PIEZO2: variants seen among roughly 807,000 people sequenced by gnomAD.
PIEZO2 encodes the protein piezo type mechanosensitive ion channel component 2, also known as piezo-type mechanosensitive ion channel component 2.
PIEZO2 carries 172 observed loss-of-function variants against 337.3 expected under a neutral mutation model. That is an observed-to-expected ratio of 0.51 (90% CI 0.45 to 0.58). PIEZO2 has a LOEUF of 0.58. PIEZO2 is among the 20% of genes least tolerant of loss of function. The probability of loss-of-function intolerance (pLI) is 0.00; values close to 1 mark genes in which losing one functional copy is unlikely to be tolerated. For synonymous variants in PIEZO2, 1,251 were observed against 1,228.5 expected (o/e 1.02, Z -0.38); for missense variants, 3,028 against 3,391.3 (o/e 0.89, Z 2.66).
intron 49 of PIEZO2, among the ~76,000 whole-genome samples, chr18:10,688,816 G>T (rs2034667621): frequency 6.6e-6 from 1 of 151,998 alleles, no homozygotes; most frequent in Non-Finnish European, 1.5e-5. Context: ...TACCCTCAAT[G>T]TTCCTTCGAT....
chr18:10,875,285 A>G (rs1367494142), intron 4 of PIEZO2, among the ~76,000 whole-genome samples: 1 of 152,216 alleles, frequency 6.6e-6, no homozygotes, highest in East Asian at 1.9e-4. Flanking sequence ...CTACATTTAT[A>G]TTATAGTAAT....
chr18:10,841,119 A>C (rs2041178204), intron 7 of PIEZO2, among the ~76,000 whole-genome samples: 1 of 152,188 alleles, frequency 6.6e-6, no homozygotes, highest in African/African-American at 2.4e-5. Flanking sequence ...GAGTGACAGG[A>C]ATTAGATTTG....
chr18:10,905,271 T>G (rs1451071038), intron 4 of PIEZO2, among the ~76,000 whole-genome samples: 1 of 152,086 alleles, frequency 6.6e-6, no homozygotes, highest in Non-Finnish European at 1.5e-5. Context: ...CTCCATGCCA[T>G]GTACTGCGGG....
chr18:10,882,842 C>CTTT lies in PIEZO2; in HGVS notation c.330-11430_330-11428dup, dbSNP rs35740624. 1.6e-4 allele frequency among the ~76,000 whole-genome samples: 20 copies of CTTT among 128,194 alleles called. 2 individuals are homozygous for CTTT. Among genetic ancestry groups the CTTT allele is most frequent in the East Asian group, 4.7e-4 (2 of 4,212 alleles). The allele number at this position is 128,194 out of a possible 152,430, so 84.1% of individuals were successfully genotyped here. On this transcript the variant is annotated intron_variant, in intron 4 of 55. Transcript: ENST00000674853. ...CATATGTACCACATTTTCTTTTTTT[C>CTTT]TTTTTTTTTTTTTTTGAGATGGAGT...
At position 10,940,963 on chromosome 18, in the gene PIEZO2, A is replaced by G. The variant is rs576632256; in HGVS notation, c.287-29735T>C. ...TATGGCTCTGCATTTCTTCTAAATA[A>G]CAAGGATTTTTGGTATTTACTAAAA... On this transcript the variant is annotated intron_variant, in intron 3 of 55. Transcript: ENST00000674853. The surrounding 1 kb of genome is among the most constrained non-coding windows in gnomAD (Gnocchi z 5.3). Among the ~76,000 whole-genome samples the G allele has an allele frequency of 6.6e-6, 1 of 152,316 alleles. No individual in the cohort carries two copies. The highest frequency in any genetic ancestry group is 2.4e-5 in the African/African-American group (1 of 41,568).
chr18:10,813,819 G>A lies in PIEZO2; in HGVS notation c.918-6545C>T, dbSNP rs563236271. On this transcript the variant is annotated intron_variant, in intron 7 of 55. Transcript: ENST00000674853. The surrounding 1 kb of genome is among the most constrained non-coding windows in gnomAD (Gnocchi z 4.2). ...AGAGAAACTGCTCCGGTTGTTTGAG[G>A]AACTGGTATACTGTTTTCCATCAGT... 8.4e-4 allele frequency among the ~76,000 whole-genome samples: 128 copies of A among 152,088 alleles called. 1 individual carries two copies. Among genetic ancestry groups the A allele is most frequent in the Non-Finnish European group, 1.5e-3 (102 of 68,018 alleles).
At chr18:11,122,995 C>A (rs971865943) in intron 1 of PIEZO2, among the ~76,000 whole-genome samples, 5 of 92,632 alleles carry the variant, frequency 5.4e-5, no homozygotes, top group Non-Finnish European at 1.2e-4. Flanking sequence ...ATATAATGTG[C>A]GGCTTTTTCC....
chr18:11,138,599 A>G (rs1442560624), intron 1 of PIEZO2, among the ~76,000 whole-genome samples: 1 of 152,146 alleles, frequency 6.6e-6, no homozygotes, highest in African/African-American at 2.4e-5. Context: ...CCAGCTCAAA[A>G]GATGTTTTGA....
intron 2 of PIEZO2, among the ~76,000 whole-genome samples, chr18:11,019,297 T>G (rs1644362404): frequency 1.3e-5 from 2 of 152,218 alleles, no homozygotes; most frequent in Admixed American, 1.3e-4. Flanking sequence ...TTAAAATGCT[T>G]TAGGGCTTCT....
chr18:10,999,213 A>G (rs1248834556), intron 2 of PIEZO2, among the ~76,000 whole-genome samples: 1 of 151,762 alleles, frequency 6.6e-6, no homozygotes, highest in African/African-American at 2.4e-5. Flanking sequence ...CAGTTTATAG[A>G]TAAGTTAATG....
chr18:11,139,045 G>A (rs986683962), intron 1 of PIEZO2, among the ~76,000 whole-genome samples: 3 of 152,152 alleles, frequency 2.0e-5, no homozygotes, highest in Non-Finnish European at 4.4e-5. Context: ...ACTCATAATC[G>A]TGCCTAACTT....
At chr18:10,764,538 C>T (rs1444790875) in intron 21 of PIEZO2, among the ~76,000 whole-genome samples, 5 of 149,114 alleles carry the variant, frequency 3.4e-5, no homozygotes, top group African/African-American at 1.0e-4. Flanking sequence ...CTACAGTGGC[C>T]GAGATCGTGC....
rs1801313218 is a variant in PIEZO2, at chr18:11,131,581, G to A, written c.64+16944C>T. Among the ~76,000 whole-genome samples, 1 of 152,244 alleles carries A rather than the reference G, an allele frequency of 6.6e-6. No individual in the cohort carries two copies. Among genetic ancestry groups the A allele is most frequent in the Admixed American group, 6.5e-5 (1 of 15,288 alleles). ...ATCTTCCCAGTGGGCAGAACTTCGA[G>A]CCATGCACCTGGCTGTGCACGTTGC... is the stretch of plus-strand genomic sequence containing the variant. On this transcript the variant is annotated intron_variant, in intron 1 of 55. Coordinates refer to ENST00000674853, the MANE Select transcript of PIEZO2 (RefSeq NM_001378183.1). This position sits in a 1 kb window ranked among gnomAD's most constrained non-coding sequence, Gnocchi z 5.3.
chr18:10,704,319 GCACAGGGA>G (rs2035472003), intron 42 of PIEZO2, 67 bp downstream of exon 42: 3 of 1,495,506 alleles, frequency 2.0e-6, no homozygotes, highest in African/African-American at 2.8e-5. Context: ...TCAAGAGAGG[GCACAGGGA>G]CACAAGGTAT....
intron 15 of PIEZO2, among the ~76,000 whole-genome samples, chr18:10,788,505 G>GGT (rs201900272): frequency 3.9e-4 from 12 of 30,744 alleles, no homozygotes; most frequent in Admixed American, 2.0e-3. Context: ...CAATTTTACA[G>GGT]ATTTTTTTTG....
intron 9 of PIEZO2, 115 bp from the exon 10 acceptor site, chr18:10,801,543 C>A (rs780288777): frequency 2.5e-4 from 222 of 894,878 alleles, no homozygotes; most frequent in Admixed American, 4.1e-4. Flanking sequence ...TTGCTGATTG[C>A]TAGTATATTA....
chr18:10,995,173 A>C (rs1214171693), intron 2 of PIEZO2, among the ~76,000 whole-genome samples: 1 of 151,334 alleles, frequency 6.6e-6, no homozygotes, highest in African/African-American at 2.4e-5. Context: ...CCATTCTTTC[A>C]GGAGTAAGGT....
At chr18:10,960,232 G>A (rs557670693) in intron 3 of PIEZO2, among the ~76,000 whole-genome samples, 1 of 152,142 alleles carries the variant, frequency 6.6e-6, no homozygotes, top group East Asian at 1.9e-4. Flanking sequence ...AAATATTCTA[G>A]AACTAGTTTT....
chr18:11,144,592 T>C (rs770550673), intron 1 of PIEZO2, among the ~76,000 whole-genome samples: 1 of 152,240 alleles, frequency 6.6e-6, no homozygotes, highest in Non-Finnish European at 1.5e-5. Flanking sequence ...ATCTAATATA[T>C]TTCAAAAATG....
Sources: gnomAD v4.1 joint callset for allele counts (sites outside exome capture counted in the v4.1 genomes callset) on GRCh38, gnomAD v4.1.1 for gene constraint, Gnocchi (gnomAD v3.1) non-coding constraint, MANE v1.5 for transcripts, NCBI Gene and HGNC (gene_info 2026-07-23, HGNC 2026-07-21) for gene names.